Variants in ASB15 observed in about 807,000 individuals in gnomAD.
ASB15 encodes ankyrin repeat and SOCS box protein 15.
A neutral mutation model predicts 58.0 loss-of-function variants in ASB15; 54 were observed. The observed-to-expected ratio is 0.93, with a 90% CI of 0.75 to 1.17. ASB15 has a LOEUF of 1.17. Among genes scored for constraint, ASB15 ranks in the 50% most tolerant of loss-of-function variants. The pLI, the probability that ASB15 is intolerant of heterozygous loss-of-function variation, is 0.00. For missense variants in ASB15, 680 were observed against 707.4 expected (o/e 0.96, Z 0.44); for synonymous variants, 249 against 262.4 (o/e 0.95, Z 0.50).
chr7:123,626,293 C>T (rs989136471), intron 8 of ASB15, among the ~76,000 whole-genome samples: 5 of 152,102 alleles, frequency 3.3e-5, no homozygotes, highest in Non-Finnish European at 5.9e-5. Context: ...TACTTAAGGC[C>T]TAGAGTTCAA....
chr7:123,629,582 G>A, intron 10 of ASB15, 148 bp downstream of exon 10: 1 of 696,282 alleles, frequency 1.4e-6, no homozygotes, highest in Non-Finnish European at 2.3e-6. Flanking sequence ...ATGATACAGG[G>A]ATATAAGCAT....
At chr7:123,570,531 A>G (rs1051693874) in intron 1 of ASB15, among the ~76,000 whole-genome samples, 1 of 152,222 alleles carries the variant, frequency 6.6e-6, no homozygotes, top group South Asian at 2.1e-4. Context: ...TGAGCAAGGA[A>G]AGCCAAACAC....
chr7:123,607,056 A>C (rs894449275), intron 2 of ASB15, among the ~76,000 whole-genome samples: 2 of 152,230 alleles, frequency 1.3e-5, no homozygotes, highest in African/African-American at 4.8e-5. Flanking sequence ...CTATACCCCC[A>C]AAAAAGATAA....
At chr7:123,632,590 G>A (rs1802179902) in intron 11 of ASB15, among the ~76,000 whole-genome samples, 1 of 152,006 alleles carries the variant, frequency 6.6e-6, no homozygotes, top group Admixed American at 6.6e-5. Flanking sequence ...TTTTATCCCT[G>A]ACCCACCCTT....
intron 7 of ASB15, among the ~76,000 whole-genome samples, chr7:123,624,326 G>A (rs945225987): frequency 3.9e-5 from 6 of 152,128 alleles, no homozygotes; most frequent in Admixed American, 3.3e-4. Context: ...GTTATTTTCT[G>A]TGAAACTCTT....
chr7:123,625,205 T>G (rs1562937411), intron 8 of ASB15, among the ~76,000 whole-genome samples: 1 of 152,222 alleles, frequency 6.6e-6, no homozygotes, highest in South Asian at 2.1e-4. Context: ...CTCCATCACC[T>G]GCTTTCCTAA....
At chr7:123,574,181 T>A (rs1798995343) in intron 1 of ASB15, among the ~76,000 whole-genome samples, 1 of 152,028 alleles carries the variant, frequency 6.6e-6, no homozygotes, top group South Asian at 2.1e-4. Flanking sequence ...ATAAAATTGA[T>A]CACCAGGTTC....
At chr7:123,585,818 T>TATC (rs1799361173) in intron 1 of ASB15, among the ~76,000 whole-genome samples, 2 of 151,852 alleles carry the variant, frequency 1.3e-5, no homozygotes, top group South Asian at 4.1e-4. Flanking sequence ...ATATAAGAGA[T>TATC]ATCATGCAGT....
At chr7:123,628,100 G>A (rs1373888484) in intron 9 of ASB15, among the ~76,000 whole-genome samples, 1 of 152,180 alleles carries the variant, frequency 6.6e-6, no homozygotes, top group Non-Finnish European at 1.5e-5. Flanking sequence ...TTAGTCAAGT[G>A]TGAAACTCAC....
chr7:123,621,682 G>A (rs1034450669), intron 7 of ASB15, among the ~76,000 whole-genome samples: 4 of 152,152 alleles, frequency 2.6e-5, no homozygotes, highest in Admixed American at 1.3e-4. Context: ...TGGTCCCTCT[G>A]GGACCCTTAT....
upstream of ASB15, among the ~76,000 whole-genome samples, chr7:123,597,079 G>T (rs1320915649): frequency 6.6e-6 from 1 of 152,186 alleles, no homozygotes; most frequent in African/African-American, 2.4e-5. Flanking sequence ...GGTTTTGCTT[G>T]TTACCCTAGT....
chr7:123,616,114 T>C, intron 4 of ASB15, 107 bp from the exon 5 acceptor site: 1 of 960,416 alleles, frequency 1.0e-6, no homozygotes, highest in Non-Finnish European at 1.6e-6. Context: ...CCTTTGGATC[T>C]TGATTATTAA....
intron 10 of ASB15, among the ~76,000 whole-genome samples, 171 bp from the exon 11 acceptor site, chr7:123,629,795 C>A (rs1350127137): frequency 1.3e-5 from 2 of 152,122 alleles, no homozygotes; most frequent in African/African-American, 4.8e-5. Flanking sequence ...GTCTTCAGGG[C>A]TGATGGTTTC....
intron 11 of ASB15, among the ~76,000 whole-genome samples, chr7:123,634,954 C>A (rs1049919256): frequency 1.3e-5 from 2 of 152,150 alleles, no homozygotes; most frequent in Non-Finnish European, 2.9e-5. Flanking sequence ...GGACATGGAA[C>A]TGCACCATGG....
intron 1 of ASB15, among the ~76,000 whole-genome samples, chr7:123,584,308 C>T: frequency 1.0e-5 from 1 of 99,504 alleles, no homozygotes; most frequent in Admixed American, 1.1e-4. Context: ...AAGGCCTTGT[C>T]AAAAAAAAAA....
chr7:123,604,791 G>A (rs968684221), intron 2 of ASB15, among the ~76,000 whole-genome samples: 2 of 151,946 alleles, frequency 1.3e-5, no homozygotes, highest in Non-Finnish European at 2.9e-5. Context: ...GGGGTGTCAG[G>A]GTCAATATTC....
intron 4 of ASB15, 144 bp downstream of exon 4, chr7:123,614,753 G>C (rs1036974723): frequency 1.5e-6 from 1 of 659,878 alleles, no homozygotes; most frequent in Non-Finnish European, 2.7e-6. Context: ...CTTTCCAAGG[G>C]CCACTGTTCA....
intron 1 of ASB15, among the ~76,000 whole-genome samples, chr7:123,582,145 T>C (rs919448715): frequency 6.6e-6 from 1 of 152,012 alleles, no homozygotes; most frequent in African/African-American, 2.4e-5. Flanking sequence ...CTACCTAAAA[T>C]GCTCCTGTGG....
intron 1 of ASB15, among the ~76,000 whole-genome samples, chr7:123,576,013 G>A (rs1799054768): frequency 6.6e-6 from 1 of 150,474 alleles, no homozygotes; most frequent in African/African-American, 2.4e-5. Context: ...ATTCCTTAGG[G>A]TCTCCAACTA....
Sources: gnomAD v4.1 joint callset for allele counts (sites outside exome capture counted in the v4.1 genomes callset) on GRCh38, gnomAD v4.1.1 for gene constraint, MANE v1.5 for transcripts, NCBI Gene and HGNC (gene_info 2026-07-23, HGNC 2026-07-21) for gene names.